The following CLMP variants were observed in gnomAD, a reference collection of about 807,000 sequenced individuals.
The protein encoded by CLMP is CXADR like cell adhesion molecule, also known as CXADR-like membrane protein.
CLMP carries 27 observed loss-of-function variants against 45.2 expected under a neutral mutation model. That is an observed-to-expected ratio of 0.60 (90% CI 0.44 to 0.82). CLMP has a LOEUF of 0.82. Ranked by LOEUF, CLMP falls within the 40% of genes least tolerant of loss-of-function variation. The pLI, the probability that CLMP is intolerant of heterozygous loss-of-function variation, is 0.00. For synonymous variants in CLMP, 167 were observed against 171.4 expected (o/e 0.97, Z 0.20); for missense variants, 403 against 448.4 (o/e 0.90, Z 0.91).
At chr11:123,185,681 C>T (rs901778533) in intron 1 of CLMP, among the ~76,000 whole-genome samples, 8 of 152,160 alleles carry the variant, frequency 5.3e-5, no homozygotes, top group African/African-American at 1.7e-4. Context: ...CGCTGAAAAC[C>T]CGGACTCTGC....
intron 1 of CLMP, among the ~76,000 whole-genome samples, chr11:123,173,834 C>T (rs1371215776): frequency 1.3e-5 from 2 of 152,138 alleles, no homozygotes; most frequent in Admixed American, 1.3e-4. Context: ...GTAATCTCAA[C>T]AGTTTGGGAG....
intron 1 of CLMP, among the ~76,000 whole-genome samples, chr11:123,194,303 A>T (rs57671678): frequency 0.17 from 25,627 of 150,206 alleles, 2,593 homozygotes; most frequent in African/African-American, 0.28. Flanking sequence ...CTGTGCTCGG[A>T]CTCCCCCAGC....
At chr11:123,108,600 AG>A (rs1365672674) in intron 1 of CLMP, among the ~76,000 whole-genome samples, 1 of 151,932 alleles carries the variant, frequency 6.6e-6, no homozygotes, top group Middle Eastern at 3.2e-3. Flanking sequence ...ATGAGGGAAA[AG>A]GGAGAAGGTG....
At chr11:123,130,564 C>T (rs982930788) in intron 1 of CLMP, among the ~76,000 whole-genome samples, 4 of 152,150 alleles carry the variant, frequency 2.6e-5, no homozygotes, top group Admixed American at 2.0e-4. Flanking sequence ...GTGATGTCCT[C>T]GCCCAGATGG....
In CLMP at chr11:123,074,778, A is replaced by G. The variant is rs775819589; in HGVS notation, c.745T>C (p.Phe249Leu). ...TGIVAGALLI[F>L]LLVWLLIRRK... is the part of the protein sequence containing the mutation. ...CGGATTAGCAGCCACACCAAGAGGA[A>G]AATCAGCAGGGCTCCAGCCACTATG... The change falls in exon 6 of 7, where the codon TTC becomes CTC. Residue 249 changes from phenylalanine to leucine, a missense_variant. Phe to Leu is a conservative substitution (Grantham distance 22). Coordinates refer to ENST00000448775, the MANE Select transcript of CLMP (RefSeq NM_024769.5). 1.7e-5 allele frequency: 28 copies of G among 1,614,048 alleles called. No individual in the cohort carries two copies. In the Middle Eastern group the frequency reaches 8.2e-4, roughly 47 times the overall value.
rs200274470 is a variant in CLMP at position 123,126,629 on chromosome 11, A to G, written c.29-28677T>C. Among the ~76,000 whole-genome samples, 40 of 152,228 alleles carry G rather than the reference A, an allele frequency of 2.6e-4. No individual in the cohort carries two copies. The East Asian group carries it at 5.6e-3, about 21-fold the overall frequency. The stretch of plus-strand genomic sequence containing the variant: ...AAAACAGAACTAGGCTGGGTGCAGT[A>G]GCTCACGCCTGTAATCCCAGCACTT... On this transcript the variant is annotated intron_variant, in intron 1 of 6. Transcript: ENST00000448775.
chr11:123,158,922 G>A (rs1861449887), intron 1 of CLMP, among the ~76,000 whole-genome samples: 1 of 152,206 alleles, frequency 6.6e-6, no homozygotes, highest in East Asian at 1.9e-4. Context: ...AGAATGTTCA[G>A]TGAATATTAT....
intron 1 of CLMP, among the ~76,000 whole-genome samples, chr11:123,114,448 C>CTCCT (rs1860692270): frequency 7.2e-6 from 1 of 139,470 alleles, no homozygotes; most frequent in African/African-American, 2.7e-5. Context: ...CCCTCCCTCC[C>CTCCT]TCTCTCCCTC....
chr11:123,189,766 G>T (rs1183088259), intron 1 of CLMP, among the ~76,000 whole-genome samples: 1 of 152,098 alleles, frequency 6.6e-6, no homozygotes, highest in Admixed American at 6.6e-5. Context: ...CCAGCCCATT[G>T]GGAGGCCGAT....
At position 123,073,536 on chromosome 11, in the gene CLMP, T is replaced by C. The variant is rs1865698092; in HGVS notation, c.1060A>G (p.Thr354Ala). ...EPKKVHHANLTKAETTPSMIP... is the reference protein window; with the variant it reads ...EPKKVHHANLAKAETTPSMIP... ...ATGCTGGGTGTGGTTTCTGCTTTGGTCAGATTAGCATGGTGGACTTTCTTT... is the reference window on the plus strand; with the variant it reads ...ATGCTGGGTGTGGTTTCTGCTTTGGCCAGATTAGCATGGTGGACTTTCTTT... Residue 354 changes from threonine to alanine, a missense_variant, in exon 7 of 7, where the codon ACC becomes GCC. By Grantham distance (58) the Thr-to-Ala change is moderately conservative. Transcript: ENST00000448775. The C allele has an allele frequency of 6.2e-7, 1 of 1,614,174 alleles. No individual in the cohort carries two copies. The highest frequency in any genetic ancestry group is 1.7e-5 in the Admixed American group (1 of 60,016).
chr11:123,163,506 A>T (rs914365072), intron 1 of CLMP, among the ~76,000 whole-genome samples: 4 of 152,184 alleles, frequency 2.6e-5, no homozygotes, highest in African/African-American at 4.8e-5. Flanking sequence ...TGGAGCTGTA[A>T]TCTATGGCTT....
chr11:123,147,376 C>T (rs1861253647), intron 1 of CLMP, among the ~76,000 whole-genome samples: 1 of 152,194 alleles, frequency 6.6e-6, no homozygotes, highest in Non-Finnish European at 1.5e-5. Flanking sequence ...CATGGTCTAC[C>T]TTTCACTGGC....
chr11:123,157,671 G>A, intron 1 of CLMP, among the ~76,000 whole-genome samples: 1 of 147,428 alleles, frequency 6.8e-6, no homozygotes, highest in Non-Finnish European at 1.5e-5. Context: ...AGAGGTGGCA[G>A]TGAGCCAAGA....
intron 1 of CLMP, among the ~76,000 whole-genome samples, chr11:123,181,594 C>T (rs377436017): frequency 2.2e-4 from 33 of 152,274 alleles, no homozygotes; most frequent in Admixed American, 7.2e-4. Context: ...ATCTGCTCCC[C>T]GACCAGGCTC....
chr11:123,142,054 G>A (rs1220005899), intron 1 of CLMP, among the ~76,000 whole-genome samples: 7 of 148,246 alleles, frequency 4.7e-5, no homozygotes, highest in Middle Eastern at 7.1e-3. Flanking sequence ...GTGTGAGCAC[G>A]GCCCACTGGA....
rs1207331660 is a variant in CLMP at position 123,070,699 on chromosome 11, T to C, written c.*2775A>G. The C allele has an allele frequency of 6.6e-6, 1 of 152,202 alleles. No individual in the cohort carries two copies. The highest frequency in any genetic ancestry group is 1.5e-5 in the Non-Finnish European group (1 of 68,040). 9.4% of individuals were successfully genotyped at this position (152,202 alleles called of 1,614,324 possible). On this transcript the variant is annotated 3_prime_UTR_variant, in exon 7 of 7. Coordinates refer to ENST00000448775, the MANE Select transcript of CLMP (RefSeq NM_024769.5). ...AGAAATGAGAATTCTTAGAATTACATAGCAGAAGTGATATGTTGCCTGGAT... is the reference window on the plus strand; with the variant it reads ...AGAAATGAGAATTCTTAGAATTACACAGCAGAAGTGATATGTTGCCTGGAT...
At chr11:123,083,020 T>C in intron 5 of CLMP, 65 bp downstream of exon 5, 1 of 1,591,232 alleles carries the variant, frequency 6.3e-7, no homozygotes, top group Admixed American at 1.7e-5. Context: ...TTAGAATGTC[T>C]TAACATTGAT....
intron 1 of CLMP, among the ~76,000 whole-genome samples, chr11:123,103,068 A>G (rs1860476437): frequency 1.3e-5 from 2 of 152,168 alleles, no homozygotes; most frequent in Admixed American, 1.3e-4. Context: ...CCCAGGGGTA[A>G]AAGAGACAGC....
chr11:123,178,257 C>G (rs1861725349), intron 1 of CLMP, among the ~76,000 whole-genome samples: 1 of 152,182 alleles, frequency 6.6e-6, no homozygotes, highest in African/African-American at 2.4e-5. Flanking sequence ...CTCCTCTGCC[C>G]AGATTAGACT....
Sources: allele counts gnomAD v4.1 joint callset (sites outside exome capture counted in the v4.1 genomes callset), GRCh38; gene constraint gnomAD v4.1.1; transcripts MANE v1.5; gene names NCBI Gene and HGNC (gene_info 2026-07-23, HGNC 2026-07-21).